The following CDC42BPA variants were observed in gnomAD, a reference collection of about 807,000 sequenced individuals.
The protein encoded by CDC42BPA is serine/threonine-protein kinase MRCK alpha.
In CDC42BPA, 80 loss-of-function variants were observed where a neutral mutation model predicts 223.5. The observed-to-expected ratio is 0.36, with a 90% CI of 0.30 to 0.43. CDC42BPA has a LOEUF of 0.43. CDC42BPA is among the 20% of genes least tolerant of loss of function. CDC42BPA has a pLI of 1.00. For synonymous variants in CDC42BPA, 694 were observed against 718.6 expected (o/e 0.97, Z 0.55); for missense variants, 1,743 against 2,099.9 (o/e 0.83, Z 3.32).
chr1:227,146,007 TGAAGA>T (rs1571961723), intron 7 of CDC42BPA, among the ~76,000 whole-genome samples: 1 of 152,202 alleles, frequency 6.6e-6, no homozygotes, highest in East Asian at 1.9e-4. Context: ...GCTATCAGAA[TGAAGA>T]GAAATTACTT....
intron 2 of CDC42BPA, among the ~76,000 whole-genome samples, chr1:227,215,360 C>CA (rs1423441217): frequency 6.6e-6 from 1 of 152,042 alleles, no homozygotes; most frequent in Non-Finnish European, 1.5e-5. Flanking sequence ...TAACTCTAGG[C>CA]AAAAAACTTA....
Position 227,112,699 on chromosome 1 carries a change from A to G in CDC42BPA, c.1862T>C (p.Leu621Pro), listed in dbSNP as rs767756197. Residue 621 changes from leucine to proline, a missense_variant, in exon 13 of 37, where the codon CTG (leucine) becomes CCG (proline). Transcript: ENST00000366766. ...MQKVESLRQE[L>P]RRTERAKKEL... ...TTTTTTGGCTCTTTCTGTTCTGCGC[A>G]GTTCTTGCCTTAAGCTTTCAACTTT... The G allele has an allele frequency of 1.2e-6, 2 of 1,614,084 alleles. No homozygotes were observed. Among genetic ancestry groups the G allele is most frequent in the Non-Finnish European group, 1.7e-6 (2 of 1,179,978 alleles).
Position 226,994,799 on chromosome 1 carries a change from G to A in CDC42BPA, c.5133+24C>T, listed in dbSNP as rs770475818. The A allele has an allele frequency of 4.4e-6, 7 of 1,584,228 alleles. No homozygotes were observed. The highest frequency in any genetic ancestry group is 1.7e-4 in the Middle Eastern group (1 of 5,844). Reference sequence around the variant, plus strand: ...TGCCCTAGTCTTTCTGATACATGACGTCTCCGGAACCCTGCCCACTCACCT... The same window carrying A: ...TGCCCTAGTCTTTCTGATACATGACATCTCCGGAACCCTGCCCACTCACCT... On this transcript the variant is annotated intron_variant, in intron 36 of 36. Transcript: ENST00000366766. The surrounding 1 kb of genome is among the most constrained non-coding windows in gnomAD (Gnocchi z 4.0).
intron 1 of CDC42BPA, among the ~76,000 whole-genome samples, chr1:227,260,748 A>C (rs1025052726): frequency 2.6e-5 from 4 of 151,072 alleles, no homozygotes; most frequent in Non-Finnish European, 5.9e-5. Flanking sequence ...GAATTTCTCC[A>C]GTGGGTTTCC....
At chr1:227,129,666 CAAAAAAAAAAAAA>C (rs569879499) in intron 10 of CDC42BPA, among the ~76,000 whole-genome samples, 3 of 33,918 alleles carry the variant, frequency 8.8e-5, no homozygotes, top group East Asian at 1.4e-3. Context: ...GACTGTATCT[CAAAAAAAAAAAAA>C]AAAAAAAAAA....
chr1:227,060,027 TTTG>T (rs1188370262), intron 21 of CDC42BPA, among the ~76,000 whole-genome samples: 6 of 85,924 alleles, frequency 7.0e-5, no homozygotes, highest in Non-Finnish European at 1.3e-4. Flanking sequence ...AAAGTTTTTT[TTTG>T]TTTTTTTTTT....
chr1:227,276,120 C>T (rs866595731), intron 1 of CDC42BPA, among the ~76,000 whole-genome samples: 2 of 150,764 alleles, frequency 1.3e-5, no homozygotes, highest in Non-Finnish European at 3.0e-5. Context: ...AAGTGAGGAG[C>T]GCCTCTTCCC....
rs1558650120 is a variant in CDC42BPA at position 227,163,094 on chromosome 1, G to GTGTA, written c.600-2459_600-2458insTACA. ...AATGTGTGTATGTTTCCAAACATGTGTGTTTCCAAACATATATGTGTGTAT... is the reference window on the plus strand; with the variant it reads ...AATGTGTGTATGTTTCCAAACATGTGTGTATGTTTCCAAACATATATGTGTGTAT... On this transcript the variant is annotated intron_variant, in intron 5 of 36. Transcript: ENST00000366766. Among the ~76,000 whole-genome samples the GTGTA allele has an allele frequency of 9.0e-3, 891 of 98,786 alleles. 10 individuals are homozygous for GTGTA. The highest frequency in any genetic ancestry group is 0.031 in the African/African-American group (840 of 27,356). The allele number at this position is 98,786 out of a possible 152,430, so 64.8% of individuals were successfully genotyped here. A position where few individuals can be genotyped will look rare whatever the true frequency, so the allele number is the denominator to read the frequency against.
intron 35 of CDC42BPA, among the ~76,000 whole-genome samples, chr1:227,000,044 C>T (rs995458835): frequency 4.0e-5 from 6 of 151,480 alleles, no homozygotes; most frequent in African/African-American, 1.5e-4. Context: ...CACATGTATA[C>T]CTATGTAACA....
intron 1 of CDC42BPA, among the ~76,000 whole-genome samples, chr1:227,275,003 T>C (rs1012246980): frequency 6.6e-6 from 1 of 152,176 alleles, no homozygotes; most frequent in Admixed American, 6.5e-5. Flanking sequence ...TCTCAGTAAT[T>C]GATAAGTGAA....
At chr1:227,265,250 C>T (rs758352974) in intron 1 of CDC42BPA, 5 of 547,340 alleles carry the variant, frequency 9.1e-6, no homozygotes, top group Non-Finnish European at 1.6e-5. Context: ...AGTTTGATTG[C>T]CGCTTAGTAG....
chr1:227,074,164 A>C, intron 18 of CDC42BPA, 95 bp downstream of exon 18: 1 of 1,331,394 alleles, frequency 7.5e-7, no homozygotes, highest in Non-Finnish European at 1.1e-6. Flanking sequence ...TCAAAGTCTA[A>C]ACAAACTGAT....
At chr1:227,061,041 T>C (rs180774337) in intron 21 of CDC42BPA, among the ~76,000 whole-genome samples, 8 of 152,136 alleles carry the variant, frequency 5.3e-5, no homozygotes, top group Non-Finnish European at 1.2e-4. Context: ...TTTCTTTCCA[T>C]AGGAAATGGA....
chr1:227,051,468 G>A (rs1673509002), intron 22 of CDC42BPA, among the ~76,000 whole-genome samples: 2 of 152,124 alleles, frequency 1.3e-5, no homozygotes. Flanking sequence ...GTTGCCAGAA[G>A]TGGCTATTTT....
intron 34 of CDC42BPA, 36 bp downstream of exon 34, chr1:227,016,044 C>G (rs774535546): frequency 9.1e-6 from 10 of 1,093,234 alleles, no homozygotes; most frequent in Non-Finnish European, 1.4e-5. Flanking sequence ...CCCCCCACAC[C>G]CGCCCTTTTT....
chr1:227,132,908 T>C (rs1424895643), intron 10 of CDC42BPA, among the ~76,000 whole-genome samples: 1 of 147,428 alleles, frequency 6.8e-6, no homozygotes, highest in Non-Finnish European at 1.5e-5. Context: ...CCGCCCCGAC[T>C]GAGAGGTGAG....
rs145875908 is a variant in CDC42BPA at position 227,293,123 on chromosome 1, A to G, written c.178+23882T>C. ...TGTTCACTCACCAATTCTTTCATTA[A>G]TCAAATAAATATTTATTGAGTGCCT... On this transcript the variant is annotated intron_variant, in intron 1 of 36. Coordinates refer to ENST00000366766, the MANE Select transcript of CDC42BPA (RefSeq NM_001394014.1). 7.7e-4 allele frequency among the ~76,000 whole-genome samples: 118 copies of G among 152,298 alleles called. 1 individual carries two copies. The highest frequency in any genetic ancestry group is 2.6e-3 in the African/African-American group (108 of 41,558).
chr1:227,135,855 CAAAAAAAAAAAAAAAAAAAAAAAAAAA>C lies in CDC42BPA; in HGVS notation c.1390+3694_1390+3720del, dbSNP rs1175091904. Among the ~76,000 whole-genome samples, 3 of 6,578 alleles carry C rather than the reference CAAAAAAAAAAAAAAAAAAAAAAAAAAA, an allele frequency of 4.6e-4. 1 individual carries two copies. Among genetic ancestry groups the C allele is most frequent in the East Asian group, 3.2e-3 (1 of 310 alleles). The allele number at this position is 6,578 out of a possible 152,430, so 4.3% of individuals were successfully genotyped here. ...GGCGACAGAGCGAGACTCTGTCTCC[CAAAAAAAAAAAAAAAAAAAAAAAAAAA>C]AAAAAAAAAAAAAAAAAAAAGCAAT... On this transcript the variant is annotated intron_variant, in intron 10 of 36. Transcript: ENST00000366766.
intron 22 of CDC42BPA, among the ~76,000 whole-genome samples, chr1:227,050,133 A>C (rs1416243693): frequency 6.6e-6 from 1 of 152,210 alleles, no homozygotes; most frequent in Non-Finnish European, 1.5e-5. Flanking sequence ...TAGTATCTAG[A>C]GTATATAATG....
Sources: allele counts gnomAD v4.1 joint callset (sites outside exome capture counted in the v4.1 genomes callset), GRCh38; gene constraint gnomAD v4.1.1; non-coding constraint Gnocchi (gnomAD v3.1); transcripts MANE v1.5; gene names NCBI Gene and HGNC (gene_info 2026-07-23, HGNC 2026-07-21).